The following KCNN2 variants were observed in gnomAD, a reference collection of about 807,000 sequenced individuals.
KCNN2 encodes small conductance calcium-activated potassium channel protein 2.
A neutral mutation model predicts 55.5 loss-of-function variants in KCNN2; 24 were observed. The observed-to-expected ratio is 0.43, with a 90% confidence interval of 0.31 to 0.61. KCNN2 has a LOEUF of 0.61. Ranked by LOEUF, KCNN2 falls within the 20% of genes least tolerant of loss-of-function variation. KCNN2 has a pLI of 0.08. For synonymous variants in KCNN2, 431 were observed against 336.1 expected, an observed-to-expected ratio of 1.28 and a Z score of -3.09; for missense variants, 754 against 853.6, an observed-to-expected ratio of 0.88 and a Z score of 1.45.
chr5:114,183,756 A>T (rs1169561936), intron 1 of KCNN2, among the ~76,000 whole-genome samples: 1 of 151,064 alleles, frequency 6.6e-6, no homozygotes, highest in Non-Finnish European at 1.5e-5. Flanking sequence ...ACTTGATCAG[A>T]CTAGTTAGGG....
chr5:114,465,515 G>A (rs1761403504), intron 4 of KCNN2, among the ~76,000 whole-genome samples: 1 of 152,192 alleles, frequency 6.6e-6, no homozygotes, highest in Non-Finnish European at 1.5e-5. Context: ...AGGAGGCTGA[G>A]GCAGGAGAAT....
At chr5:114,348,036 A>C (rs1757143059) in intron 2 of KCNN2, among the ~76,000 whole-genome samples, 1 of 152,130 alleles carries the variant, frequency 6.6e-6, no homozygotes, top group East Asian at 1.9e-4. Flanking sequence ...CTTCTTGACC[A>C]CTGAGTCCTT....
At chr5:114,112,878 G>A (rs1386068604) in intron 1 of KCNN2, among the ~76,000 whole-genome samples, 1 of 151,992 alleles carries the variant, frequency 6.6e-6, no homozygotes, top group Admixed American at 6.6e-5. Context: ...GGATCTTTTT[G>A]CATCCTCTCA....
chr5:114,122,292 G>A (rs969580177), intron 1 of KCNN2, among the ~76,000 whole-genome samples: 4 of 152,138 alleles, frequency 2.6e-5, no homozygotes, highest in African/African-American at 9.7e-5. Context: ...CTCCCAGAAG[G>A]CAGTATGAAA....
intron 2 of KCNN2, among the ~76,000 whole-genome samples, chr5:114,392,805 GGT>G (rs1491307929): frequency 1.3e-3 from 179 of 133,434 alleles, no homozygotes; most frequent in African/African-American, 4.5e-3. Flanking sequence ...TTTTTTGTGG[GGT>G]TTTTTTTTTT....
intron 2 of KCNN2, among the ~76,000 whole-genome samples, chr5:114,245,760 T>C (rs1218731164): frequency 6.6e-6 from 1 of 152,150 alleles, no homozygotes; most frequent in East Asian, 1.9e-4. Flanking sequence ...CTTTCACAGT[T>C]GAGGAAAGGA....
chr5:114,311,466 T>G (rs1756389779), intron 2 of KCNN2, among the ~76,000 whole-genome samples: 1 of 152,146 alleles, frequency 6.6e-6, no homozygotes, highest in Non-Finnish European at 1.5e-5. Flanking sequence ...AGAGTCTTTT[T>G]CCTTTATAGT....
In KCNN2 at chr5:114,373,421, A is replaced by G. The variant is rs111306105; in HGVS notation, c.1218+9420A>G. 9.7e-3 allele frequency among the ~76,000 whole-genome samples: 1,460 copies of G among 151,036 alleles called. 27 individuals carry two copies. Among genetic ancestry groups the G allele is most frequent in the African/African-American group, 0.033 (1,360 of 41,248 alleles). On this transcript the variant is annotated intron_variant, in intron 2 of 7. Transcript: ENST00000673685. ...AGCTTTAAAAGTGTGATTTCTGACAATTTTCTCTAAACTTTCCTGCTGAGC... is the reference window on the plus strand; with the variant it reads ...AGCTTTAAAAGTGTGATTTCTGACAGTTTTCTCTAAACTTTCCTGCTGAGC...
intron 2 of KCNN2, among the ~76,000 whole-genome samples, chr5:114,296,382 G>A (rs965787819): frequency 5.3e-5 from 8 of 152,100 alleles, no homozygotes; most frequent in Admixed American, 3.3e-4. Context: ...ATCTTGCCTC[G>A]GCTGCTGATG....
At chr5:114,081,058 A>G (rs991810856) in intron 1 of KCNN2, among the ~76,000 whole-genome samples, 4 of 152,182 alleles carry the variant, frequency 2.6e-5, no homozygotes, top group African/African-American at 7.2e-5. Flanking sequence ...GAAATGTACA[A>G]TAGCATCAAA....
At chr5:114,265,915 A>T (rs1398030520) in intron 2 of KCNN2, among the ~76,000 whole-genome samples, 1 of 152,136 alleles carries the variant, frequency 6.6e-6, no homozygotes, top group African/African-American at 2.4e-5. Flanking sequence ...CTTTGGAGAG[A>T]TTGGAGAAGA....
chr5:114,340,647 C>A (rs2150036331), intron 2 of KCNN2, among the ~76,000 whole-genome samples: 1 of 137,236 alleles, frequency 7.3e-6, no homozygotes, highest in Admixed American at 8.0e-5. Context: ...CACCTCACAC[C>A]ATTATGGTGT....
chr5:114,144,859 T>TG (rs201963277), intron 1 of KCNN2, among the ~76,000 whole-genome samples: 3 of 119,412 alleles, frequency 2.5e-5, no homozygotes, highest in Non-Finnish European at 5.2e-5. Flanking sequence ...ACATTAGTGA[T>TG]GGGGGGGTAT....
intron 1 of KCNN2, among the ~76,000 whole-genome samples, chr5:114,098,699 T>A (rs570501280): frequency 6.6e-6 from 1 of 152,120 alleles, no homozygotes; most frequent in African/African-American, 2.4e-5. Flanking sequence ...CACACTTCTC[T>A]TTTATGGAGG....
rs143931585 is a variant in KCNN2, at chr5:114,388,236, A to G, written c.1219-16202A>G. ...GGTTCGTAATGTTTTCACTGCTTCT[A>G]TCTTTCTCCTTTCTTTCCTTATTTT... is the stretch of plus-strand genomic sequence containing the variant. On this transcript the variant is annotated intron_variant, in intron 2 of 7. Transcript: ENST00000673685. 2.8e-3 allele frequency among the ~76,000 whole-genome samples: 426 copies of G among 152,168 alleles called. 2 individuals are homozygous for G. Among genetic ancestry groups the G allele is most frequent in the African/African-American group, 9.7e-3 (402 of 41,522 alleles).
chr5:114,141,008 C>T (rs971880501), intron 1 of KCNN2, among the ~76,000 whole-genome samples: 7 of 151,880 alleles, frequency 4.6e-5, no homozygotes, highest in Admixed American at 4.6e-4. Flanking sequence ...AGGCTGGTCT[C>T]GAACTCTTGA....
At chr5:114,199,635 T>C (rs751165670) in intron 1 of KCNN2, among the ~76,000 whole-genome samples, 24 of 152,064 alleles carry the variant, frequency 1.6e-4, no homozygotes, top group Non-Finnish European at 2.9e-4. Flanking sequence ...TGGCTTTTAT[T>C]GTAAATATTG....
chr5:114,112,850 T>C (rs886181772), intron 1 of KCNN2, among the ~76,000 whole-genome samples: 9 of 152,128 alleles, frequency 5.9e-5, no homozygotes, highest in Non-Finnish European at 1.2e-4. Flanking sequence ...AAATGTGTTA[T>C]GTTTCTACAT....
intron 2 of KCNN2, among the ~76,000 whole-genome samples, chr5:114,263,111 T>C (rs1268718497): frequency 1.3e-5 from 2 of 152,196 alleles, no homozygotes; most frequent in Non-Finnish European, 2.9e-5. Flanking sequence ...CCTTTCACTC[T>C]TGTTTTTCTT....
Sources: allele counts gnomAD v4.1 joint callset (sites outside exome capture counted in the v4.1 genomes callset), GRCh38; gene constraint gnomAD v4.1.1; transcripts MANE v1.5; gene names NCBI Gene and HGNC (gene_info 2026-07-23, HGNC 2026-07-21).